Variants in CHN1 observed in about 807,000 individuals in gnomAD.
CHN1 encodes N-chimaerin.
In CHN1, 37 loss-of-function variants were observed where a neutral mutation model predicts 59.5. The ratio of observed to expected loss-of-function variants is 0.62; its 90% CI spans 0.48 to 0.82. The LOEUF (loss-of-function observed/expected upper bound fraction) is 0.82, where lower values mean the gene tolerates loss of function less well. CHN1 is among the 40% of genes least tolerant of loss of function. CHN1 has a pLI of 0.00. For missense variants in CHN1, 469 were observed against 571.0 expected, an observed-to-expected ratio of 0.82 and a Z score of 1.82; for synonymous variants, 206 against 200.4, an observed-to-expected ratio of 1.03 and a Z score of -0.24.
rs1574210372 is a variant in CHN1 at position 174,956,457 on chromosome 2, C to T, written c.20-4255G>A. Among the ~76,000 whole-genome samples the T allele has an allele frequency of 3.3e-5, 5 of 152,072 alleles. No individual in the cohort carries two copies. In the South Asian group the frequency reaches 1.0e-3, roughly 31 times the overall value. ...GTAAAATGAAAAAACAAAACACACA[C>T]ACAAATATGTCTGCTCAAAGAATGA... On this transcript the variant is annotated intron_variant, in intron 1 of 12. Transcript: ENST00000409900.
chr2:174,956,006 C>G (rs1690192070), intron 1 of CHN1, among the ~76,000 whole-genome samples: 1 of 152,164 alleles, frequency 6.6e-6, no homozygotes, highest in Non-Finnish European at 1.5e-5. Flanking sequence ...TGTAACAAAT[C>G]TGCACATGTA....
In CHN1 at chr2:175,004,958, G is replaced by C; in HGVS notation, c.-46C>G. The stretch of plus-strand genomic sequence containing the variant: ...CCCGCGAGTCCAGGCGCTCCTCCCA[G>C]GCGGGCTAGGGATCACCTCATCAGC... On this transcript the variant is annotated 5_prime_UTR_variant, in exon 1 of 13. Coordinates refer to ENST00000409900, the MANE Select transcript of CHN1 (RefSeq NM_001822.7). 1 of 1,519,988 alleles carries C rather than the reference G, an allele frequency of 6.6e-7. No individual in the cohort carries two copies. Among genetic ancestry groups the C allele is most frequent in the Non-Finnish European group, 8.8e-7 (1 of 1,136,936 alleles). 94.2% of individuals were successfully genotyped at this position (1,519,988 alleles called of 1,614,324 possible).
chr2:174,799,304 CA>C lies in CHN1; in HGVS notation c.*811del, dbSNP rs577939426. The C allele has an allele frequency of 1.3e-3, 467 of 353,858 alleles. 1 individual carries two copies. Among genetic ancestry groups the C allele is most frequent in the African/African-American group, 9.3e-3 (437 of 47,160 alleles). 21.9% of individuals were successfully genotyped at this position (353,858 alleles called of 1,614,324 possible). On this transcript the variant is annotated 3_prime_UTR_variant, in exon 13 of 13. Transcript: ENST00000409900. The stretch of plus-strand genomic sequence containing the variant: ...GAAGCTTATCACTTTTAACAGTAAA[CA>C]AAAGAGGTCAGAAGAAGTACTCAGT...
chr2:174,897,541 CAA>C (rs1688255825), intron 5 of CHN1, among the ~76,000 whole-genome samples: 1 of 150,978 alleles, frequency 6.6e-6, no homozygotes, highest in Non-Finnish European at 1.5e-5. Context: ...CAAAATACCC[CAA>C]AGTTTAGCTC....
chr2:174,892,646 A>G (rs1688088727), intron 5 of CHN1, among the ~76,000 whole-genome samples: 1 of 152,222 alleles, frequency 6.6e-6, no homozygotes, highest in Non-Finnish European at 1.5e-5. Context: ...TACCAAAGCC[A>G]GACAAAGATT....
At chr2:174,946,141 T>C (rs886379195) in intron 2 of CHN1, among the ~76,000 whole-genome samples, 12 of 152,276 alleles carry the variant, frequency 7.9e-5, no homozygotes, top group African/African-American at 2.9e-4. Context: ...TCATTTTCCT[T>C]ATTTGCAAAA....
At chr2:174,841,838 A>T (rs1285844472) in intron 7 of CHN1, among the ~76,000 whole-genome samples, 2 of 152,096 alleles carry the variant, frequency 1.3e-5, no homozygotes, top group African/African-American at 4.8e-5. Flanking sequence ...AGCATTCTAG[A>T]TTGTCATTTC....
At chr2:174,989,616 C>T (rs1691470906) in intron 1 of CHN1, among the ~76,000 whole-genome samples, 1 of 151,756 alleles carries the variant, frequency 6.6e-6, no homozygotes, top group Admixed American at 6.6e-5. Flanking sequence ...ACAGGGAGAC[C>T]CTGTCTCTAC....
At chr2:174,978,586 T>C (rs765273918) in intron 1 of CHN1, among the ~76,000 whole-genome samples, 2 of 152,200 alleles carry the variant, frequency 1.3e-5, no homozygotes, top group East Asian at 1.9e-4. Context: ...CTGCACCACA[T>C]TGAGAGACTA....
intron 8 of CHN1, among the ~76,000 whole-genome samples, chr2:174,819,243 T>C (rs931137898): frequency 6.6e-6 from 1 of 152,160 alleles, no homozygotes; most frequent in African/African-American, 2.4e-5. Context: ...AAACAGTAGT[T>C]AAAATAAAAA....
chr2:174,877,597 T>C lies in CHN1; in HGVS notation c.549+243A>G, dbSNP rs980556878. On this transcript the variant is annotated intron_variant, in intron 6 of 12. Coordinates refer to ENST00000409900, the MANE Select transcript of CHN1 (RefSeq NM_001822.7). ...TTTATTAGGGGCCATTTTTCCAACA[T>C]AGTTTTAAAATTGTGAAACTGATAA... Among the ~76,000 whole-genome samples the C allele has an allele frequency of 4.6e-5, 7 of 152,288 alleles. No homozygotes were observed. The South Asian group carries it at 8.3e-4, about 18-fold the overall frequency.
chr2:174,891,494 G>A (rs1261291500), intron 5 of CHN1, among the ~76,000 whole-genome samples: 9 of 151,444 alleles, frequency 5.9e-5, no homozygotes, highest in African/African-American at 1.5e-4. Context: ...GCTCAAACCC[G>A]GGAGGTGGAA....
chr2:174,817,635 TTTC>T (rs1373386553), intron 8 of CHN1, among the ~76,000 whole-genome samples: 26 of 150,638 alleles, frequency 1.7e-4, no homozygotes, highest in African/African-American at 5.9e-4. Context: ...CTGATTTTTT[TTTC>T]TTTTTTTTTT....
chr2:174,803,847 C>T (rs190495831), intron 11 of CHN1, among the ~76,000 whole-genome samples: 18 of 152,222 alleles, frequency 1.2e-4, no homozygotes, highest in Admixed American at 9.2e-4. Flanking sequence ...AACCACTGCA[C>T]GCAGCTCTAG....
At chr2:174,828,898 A>G (rs1020602249) in intron 7 of CHN1, among the ~76,000 whole-genome samples, 5 of 152,166 alleles carry the variant, frequency 3.3e-5, no homozygotes, top group South Asian at 2.1e-4. Context: ...ATGGTTCCTG[A>G]TAAGACATAA....
intron 6 of CHN1, among the ~76,000 whole-genome samples, chr2:174,871,070 T>C (rs76146344): frequency 0.022 from 3,382 of 152,048 alleles, 120 homozygotes; most frequent in African/African-American, 0.077. Context: ...ACACAAATAA[T>C]TTCCTGGGCC....
intron 6 of CHN1, among the ~76,000 whole-genome samples, chr2:174,850,613 G>GTT (rs1233564243): frequency 1.3e-5 from 2 of 152,130 alleles, no homozygotes; most frequent in Non-Finnish European, 2.9e-5. Flanking sequence ...GGTATATAGT[G>GTT]TAAGTATAAG....
intron 6 of CHN1, among the ~76,000 whole-genome samples, chr2:174,877,410 T>C (rs965545553): frequency 6.6e-6 from 1 of 152,024 alleles, no homozygotes; most frequent in Admixed American, 6.6e-5. Context: ...CACACACACA[T>C]AAAATCTTGC....
chr2:175,005,259 G>A lies in CHN1; in HGVS notation c.-347C>T, dbSNP rs924269268. 4 of 1,111,376 alleles carry A rather than the reference G, an allele frequency of 3.6e-6. No individual in the cohort carries two copies. Among genetic ancestry groups the A allele is most frequent in the South Asian group, 2.2e-5 (1 of 44,744 alleles). The allele number at this position is 1,111,376 out of a possible 1,614,324, so 68.8% of individuals were successfully genotyped here. On this transcript the variant is annotated 5_prime_UTR_variant, in exon 1 of 13. Transcript: ENST00000409900. ...CAGTGGCTGGCGGAGAGGCGGCGCC[G>A]CACTGGCGGCGGCGGCGGCGGCGAC...
Sources: gnomAD v4.1 joint callset for allele counts (sites outside exome capture counted in the v4.1 genomes callset) on GRCh38, gnomAD v4.1.1 for gene constraint, MANE v1.5 for transcripts, NCBI Gene and HGNC (gene_info 2026-07-23, HGNC 2026-07-21) for gene names.